Variants in FAR2 observed in about 807,000 individuals in gnomAD.
The protein encoded by FAR2 is fatty acyl-CoA reductase 2, also known as epididymis secretory protein Li 81.
FAR2 carries 19 observed loss-of-function variants against 56.0 expected under a neutral mutation model. The observed-to-expected ratio is 0.34, with a 90% CI of 0.24 to 0.50. The LOEUF (loss-of-function observed/expected upper bound fraction) is 0.50, where lower values mean the gene tolerates loss of function less well. Among genes scored for constraint, FAR2 ranks in the 20% least tolerant of loss-of-function variants. The probability of loss-of-function intolerance (pLI) is 0.98; values close to 1 mark genes in which losing one functional copy is unlikely to be tolerated. For synonymous variants in FAR2, 219 were observed against 218.8 expected (o/e 1.00, Z -0.01); for missense variants, 508 against 642.2 (o/e 0.79, Z 2.26).
intron 1 of FAR2, among the ~76,000 whole-genome samples, chr12:29,154,414 GTTTTTT>G (rs66603297): frequency 2.1e-5 from 3 of 141,414 alleles, no homozygotes; most frequent in Non-Finnish European, 4.6e-5. Flanking sequence ...TTTTGTTTTT[GTTTTTT>G]TTTTTGTTTT....
intron 1 of FAR2, among the ~76,000 whole-genome samples, chr12:29,239,520 T>C (rs981556543): frequency 6.6e-6 from 1 of 151,372 alleles, no homozygotes; most frequent in Admixed American, 6.6e-5. Context: ...AGTTAAAAAT[T>C]TTATCCCTTG....
In FAR2 at chr12:29,332,736, A is replaced by G; in HGVS notation, c.1385+9A>G. 1 of 1,610,592 alleles carries G rather than the reference A, an allele frequency of 6.2e-7. No individual in the cohort carries two copies. The highest frequency in any genetic ancestry group is 8.5e-7 in the Non-Finnish European group (1 of 1,178,224). On this transcript the variant is annotated intron_variant, in intron 11 of 11. Coordinates refer to ENST00000536681, the MANE Select transcript of FAR2 (RefSeq NM_001271783.2). ...AAGCAACGCTTAAAAAGGTAAGTATAATCAGTCAGTTAATATTTATTGAGC... is the reference window on the plus strand; with the variant it reads ...AAGCAACGCTTAAAAAGGTAAGTATGATCAGTCAGTTAATATTTATTGAGC...
chr12:29,251,452 G>A (rs556702365), intron 1 of FAR2, among the ~76,000 whole-genome samples: 1 of 152,224 alleles, frequency 6.6e-6, no homozygotes, highest in African/African-American at 2.4e-5. Context: ...ACTAATTCTA[G>A]GAAACCCTAA....
At chr12:29,277,937 T>TC (rs1203889626) in intron 2 of FAR2, 4 of 144,470 alleles carry the variant, frequency 2.8e-5, no homozygotes, top group Non-Finnish European at 6.0e-5. Context: ...TCTTTCTTTT[T>TC]TTTTTTTTTT....
chr12:29,164,029 A>T (rs1375876815), intron 1 of FAR2, among the ~76,000 whole-genome samples: 1 of 152,212 alleles, frequency 6.6e-6, no homozygotes, highest in African/African-American at 2.4e-5. Context: ...GGTTTGACCT[A>T]ATAATAGATA....
intron 1 of FAR2, among the ~76,000 whole-genome samples, chr12:29,243,621 G>T (rs1484534094): frequency 1.3e-5 from 2 of 152,076 alleles, no homozygotes; most frequent in Non-Finnish European, 2.9e-5. Flanking sequence ...GAGAAGCTCA[G>T]GTTATGTTGA....
At chr12:29,247,972 T>G (rs146706564) in intron 1 of FAR2, among the ~76,000 whole-genome samples, 132 of 152,352 alleles carry the variant, frequency 8.7e-4, no homozygotes, top group Middle Eastern at 3.4e-3. Flanking sequence ...GAAAATACTT[T>G]TTAAAACTTT....
intron 1 of FAR2, among the ~76,000 whole-genome samples, chr12:29,162,076 C>T (rs989508978): frequency 1.3e-5 from 2 of 152,066 alleles, no homozygotes; most frequent in Non-Finnish European, 2.9e-5. Context: ...TATGCCTGGC[C>T]TTTTTGCTCT....
At chr12:29,181,954 TAGAC>T (rs1215462930) in intron 1 of FAR2, among the ~76,000 whole-genome samples, 7 of 152,312 alleles carry the variant, frequency 4.6e-5, no homozygotes, top group African/African-American at 1.7e-4. Flanking sequence ...GATAGATAGA[TAGAC>T]AGATTATACC....
In FAR2 at chr12:29,256,249, G is replaced by A. The variant is rs934240482; in HGVS notation, c.-38-14163G>A. ...GTCACCCAGGCTAGAGGGCAGTGGC[G>A]CCATCATAGCTCACTGCAGCCTTGA... is the stretch of plus-strand genomic sequence containing the variant. On this transcript the variant is annotated intron_variant, in intron 1 of 11. Transcript: ENST00000536681. Among the ~76,000 whole-genome samples the A allele has an allele frequency of 4.6e-5, 7 of 151,946 alleles. No homozygotes were observed. The East Asian group carries it at 1.2e-3, about 25-fold the overall frequency.
In FAR2 at chr12:29,333,926, C is replaced by T. The variant is rs1045649295; in HGVS notation, c.*132C>T. 3.9e-6 allele frequency: 3 copies of T among 766,186 alleles called. No individual in the cohort carries two copies. The highest frequency in any genetic ancestry group is 6.1e-6 in the Non-Finnish European group (3 of 493,726). 47.5% of individuals were successfully genotyped at this position (766,186 alleles called of 1,614,324 possible). A position where few individuals can be genotyped will look rare whatever the true frequency, so the allele number is the denominator to read the frequency against. ...AATGTCACCTGTTATGTATTCGTCC[C>T]TATTCCTTAACTATGTATTTTTATT... On this transcript the variant is annotated 3_prime_UTR_variant, in exon 12 of 12. Transcript: ENST00000536681.
chr12:29,300,843 C>A (rs1949151302), intron 4 of FAR2, among the ~76,000 whole-genome samples: 1 of 152,148 alleles, frequency 6.6e-6, no homozygotes, highest in Non-Finnish European at 1.5e-5. Flanking sequence ...TCCAGAAAAT[C>A]AGTTGAATGG....
chr12:29,251,783 G>A (rs34064202), intron 1 of FAR2, among the ~76,000 whole-genome samples: 276 of 152,270 alleles, frequency 1.8e-3, no homozygotes, highest in Non-Finnish European at 2.6e-3. Flanking sequence ...ATCACGGATT[G>A]TGCAAGGCTC....
intron 3 of FAR2, among the ~76,000 whole-genome samples, chr12:29,296,670 A>T (rs1157112927): frequency 6.6e-6 from 1 of 152,166 alleles, no homozygotes; most frequent in Non-Finnish European, 1.5e-5. Context: ...CAACTTCTTC[A>T]GTTAGATGCT....
chr12:29,253,459 A>G (rs1364892197), intron 1 of FAR2, among the ~76,000 whole-genome samples: 3 of 151,704 alleles, frequency 2.0e-5, no homozygotes, highest in Non-Finnish European at 4.4e-5. Context: ...ACCTATATAT[A>G]TAGATACATA....
rs926804483 is a variant in FAR2, at chr12:29,334,265, G to A, written c.*471G>A. On this transcript the variant is annotated 3_prime_UTR_variant, in exon 12 of 12. Coordinates refer to ENST00000536681, the MANE Select transcript of FAR2 (RefSeq NM_001271783.2). ...TGGTCTCAATATCCTCAAAAATGCA[G>A]TAAGAGAAGTAATTCCCCACTGAAA... 1 of 152,144 alleles carries A rather than the reference G, an allele frequency of 6.6e-6. No homozygotes were observed. Among genetic ancestry groups the A allele is most frequent in the Non-Finnish European group, 1.5e-5 (1 of 68,074 alleles). 9.4% of individuals were successfully genotyped at this position (152,144 alleles called of 1,614,324 possible).
At chr12:29,277,198 G>A (rs910510987) in intron 2 of FAR2, among the ~76,000 whole-genome samples, 1 of 151,994 alleles carries the variant, frequency 6.6e-6, no homozygotes, top group East Asian at 1.9e-4. Context: ...GGCTGGTCTT[G>A]AACTCCTGAC....
At chr12:29,226,224 G>T (rs534573872) in intron 1 of FAR2, among the ~76,000 whole-genome samples, 8 of 152,140 alleles carry the variant, frequency 5.3e-5, no homozygotes, top group Non-Finnish European at 8.8e-5. Flanking sequence ...ATATCATTCC[G>T]GTTCTATTAT....
At chr12:29,200,461 G>A (rs1042008335) in intron 1 of FAR2, among the ~76,000 whole-genome samples, 3 of 152,172 alleles carry the variant, frequency 2.0e-5, no homozygotes, top group Non-Finnish European at 4.4e-5. Context: ...GAAAGTATTC[G>A]ACAATCAGTC....
Sources: gnomAD v4.1 joint callset for allele counts (sites outside exome capture counted in the v4.1 genomes callset) on GRCh38, gnomAD v4.1.1 for gene constraint, MANE v1.5 for transcripts, NCBI Gene and HGNC (gene_info 2026-07-23, HGNC 2026-07-21) for gene names.